Variants in ZNF282 observed in about 807,000 individuals in gnomAD.
ZNF282 encodes the protein HTLV-I U5 repressive element-binding protein 1.
ZNF282 carries 30 observed loss-of-function variants against 61.9 expected under a neutral mutation model. That is an observed-to-expected ratio of 0.48 (90% CI 0.36 to 0.66). The LOEUF (loss-of-function observed/expected upper bound fraction) is 0.66. ZNF282 is among the 30% of genes least tolerant of loss of function. The pLI, the probability that ZNF282 is intolerant of heterozygous loss-of-function variation, is 0.00. For synonymous variants in ZNF282, 396 were observed against 405.0 expected (o/e 0.98, Z 0.27); for missense variants, 788 against 941.4 (o/e 0.84, Z 2.13).
At chr7:149,200,433 T>C (rs539159710) in intron 2 of ZNF282, among the ~76,000 whole-genome samples, 3 of 152,236 alleles carry the variant, frequency 2.0e-5, no homozygotes, top group East Asian at 3.9e-4. Flanking sequence ...GCTGAGTCTT[T>C]TCCTACCTCA....
At chr7:149,217,178 A>T (rs1165795572) in intron 7 of ZNF282, among the ~76,000 whole-genome samples, 1 of 151,948 alleles carries the variant, frequency 6.6e-6, no homozygotes, top group East Asian at 1.9e-4. Flanking sequence ...CATAGTTTAT[A>T]TTTTTTTTAG....
At chr7:149,215,364 G>A (rs1056476615) in intron 7 of ZNF282, among the ~76,000 whole-genome samples, 1 of 151,982 alleles carries the variant, frequency 6.6e-6, no homozygotes, top group African/African-American at 2.4e-5. Context: ...CACCATGCCT[G>A]GCTAATTTTT....
rs1795861903 is a variant in ZNF282, at chr7:149,198,696, A to G, written c.529A>G (p.Asn177Asp). The G allele has an allele frequency of 6.2e-7, 1 of 1,613,940 alleles. No homozygotes were observed. The highest frequency in any genetic ancestry group is 8.5e-7 in the Non-Finnish European group (1 of 1,179,980). ...RLENLENLLR[N>D]RNFWVLRLPP... ...GGAGAACTTGGAGAACTTGCTGCGC[A>G]ACAGGAACTTCTGGGTCCTGCGGCT... The change falls in exon 2 of 8, where the codon AAC (asparagine) becomes GAC (aspartate). Residue 177 changes from asparagine to aspartate, a missense_variant. Physicochemically the swap from Asn to Asp is conservative, Grantham distance 23 (BLOSUM62 1). This residue lies in a region of ZNF282 where 92 missense variants were observed against 163.9 expected (regional missense o/e 0.56). Transcript: ENST00000610704. This position sits in a 1 kb window ranked among gnomAD's most constrained non-coding sequence, Gnocchi z 4.3.
Position 149,224,485 on chromosome 7 carries a change from C to T in ZNF282, c.1854C>T (p.Leu618=), listed in dbSNP as rs554690779. Residue 618 remains leucine, a synonymous_variant, in exon 8 of 8, where the codon CTC becomes CTT. Coordinates refer to ENST00000610704, the MANE Select transcript of ZNF282 (RefSeq NM_003575.4). ...GCTTCATCCGCAAGCAGAACCTGCT[C>T]AAGCACCAGCGCATCCACACGGGCG... ...GKSFIRKQNL[L]KHQRIHTGER... 5.6e-6 allele frequency: 9 copies of T among 1,612,736 alleles called. No homozygotes were observed. In the East Asian group the frequency reaches 2.0e-4, roughly 36 times the overall value.
chr7:149,196,004 C>T (rs1795810306), intron 1 of ZNF282, among the ~76,000 whole-genome samples: 1 of 151,174 alleles, frequency 6.6e-6, no homozygotes, highest in East Asian at 1.9e-4. Context: ...GGCCCAAGTG[C>T]GGAGGCCCCG....
chr7:149,202,091 A>C (rs1015169670), intron 2 of ZNF282, among the ~76,000 whole-genome samples: 1 of 150,652 alleles, frequency 6.6e-6, no homozygotes, highest in African/African-American at 2.4e-5. Context: ...CCCTGCCCTT[A>C]CTCGAATTTT....
chr7:149,225,320 T>G lies in ZNF282; in HGVS notation c.*673T>G, dbSNP rs1030103738. On this transcript the variant is annotated 3_prime_UTR_variant, in exon 8 of 8. Transcript: ENST00000610704. ...CTGCTGGCCTGGCCCTCCTGGTCTC[T>G]CTTCCTTTCCTGGTCTCTCTTCCTT... 2 of 152,754 alleles carry G rather than the reference T, an allele frequency of 1.3e-5. No homozygotes were observed. The highest frequency in any genetic ancestry group is 2.4e-5 in the African/African-American group (1 of 41,448). 9.5% of individuals were successfully genotyped at this position (152,754 alleles called of 1,614,324 possible).
intron 4 of ZNF282, among the ~76,000 whole-genome samples, chr7:149,209,488 G>A (rs946391525): frequency 6.6e-6 from 1 of 152,114 alleles, no homozygotes; most frequent in African/African-American, 2.4e-5. Flanking sequence ...GAAGTTTAAG[G>A]TCAGCAGCGG....
At chr7:149,213,879 C>T (rs1342151595) in intron 7 of ZNF282, 65 bp downstream of exon 7, 26 of 1,202,598 alleles carry the variant, frequency 2.2e-5, no homozygotes, top group South Asian at 1.2e-4. Flanking sequence ...GAGGCGTGGA[C>T]GAAGGCTGGT....
chr7:149,198,082 T>A lies in ZNF282; in HGVS notation c.166-251T>A, dbSNP rs920338656. Among the ~76,000 whole-genome samples, 2 of 152,220 alleles carry A rather than the reference T, an allele frequency of 1.3e-5. No homozygotes were observed. Among genetic ancestry groups the A allele is most frequent in the Non-Finnish European group, 2.9e-5 (2 of 68,030 alleles). On this transcript the variant is annotated intron_variant, in intron 1 of 7. Coordinates refer to ENST00000610704, the MANE Select transcript of ZNF282 (RefSeq NM_003575.4). The surrounding 1 kb of genome is among the most constrained non-coding windows in gnomAD (Gnocchi z 4.3). ...TTTAGGCAGGGGTTGCAGCCTTAAC[T>A]TGCTAAGGGTCAATGTGGGTGAACC...
Position 149,207,476 on chromosome 7 carries a change from G to T in ZNF282, c.832+6G>T. The T allele has an allele frequency of 6.4e-7, 1 of 1,558,912 alleles. No individual in the cohort carries two copies. The highest frequency in any genetic ancestry group is 1.2e-5 in the South Asian group (1 of 84,570). ...CCCAATGGATCCCGAAGCAGGTGAT[G>T]GCAGCAGAAGAGAGTGCGGGGTCCA... On this transcript the variant is annotated splice_donor_region_variant and intron_variant, in intron 4 of 7. Coordinates refer to ENST00000610704, the MANE Select transcript of ZNF282 (RefSeq NM_003575.4).
rs373631632 is a variant in ZNF282, at chr7:149,225,863, C to T, written c.*1216C>T. 6.5e-6 allele frequency: 1 copy of T among 152,788 alleles called. No homozygotes were observed. The highest frequency in any genetic ancestry group is 6.5e-5 in the Admixed American group (1 of 15,294). 9.5% of individuals were successfully genotyped at this position (152,788 alleles called of 1,614,324 possible). On this transcript the variant is annotated 3_prime_UTR_variant, in exon 8 of 8. Coordinates refer to ENST00000610704, the MANE Select transcript of ZNF282 (RefSeq NM_003575.4). ...AGGATTCCCCTTCACGTTGGTGCACCTGCTCCATAGCTCCGGGCGCTGCGT... is the reference window on the plus strand; with the variant it reads ...AGGATTCCCCTTCACGTTGGTGCACTTGCTCCATAGCTCCGGGCGCTGCGT...
rs530338727 is a variant in ZNF282, at chr7:149,224,629, G to T, written c.1998G>T (p.Pro666=). ...CCGGCGCCCCACGGCAGCTCCCGCC[G>T]CCTCCTGAGCGAGACTAGGGCTGGG... ...PGPGAPRQLP[P]PPERD is the part of the protein sequence containing the mutation. The change falls in exon 8 of 8, where the codon CCG becomes CCT. Residue 666 remains proline (P), a synonymous_variant. Transcript: ENST00000610704. 1.3e-3 allele frequency: 2,034 copies of T among 1,529,542 alleles called. 32 individuals carry two copies. In the South Asian group the frequency reaches 0.019, roughly 14 times the overall value. The allele number at this position is 1,529,542 out of a possible 1,614,324, so 94.7% of individuals were successfully genotyped here. A position where few individuals can be genotyped will look rare whatever the true frequency, so the allele number is the denominator to read the frequency against.
chr7:149,210,369 C>T (rs1303819007), intron 4 of ZNF282, among the ~76,000 whole-genome samples: 1 of 152,232 alleles, frequency 6.6e-6, no homozygotes, highest in Non-Finnish European at 1.5e-5. Flanking sequence ...CTGAGACCTT[C>T]TGCTCCTCAG....
At chr7:149,220,333 A>C (rs1428142320) in intron 7 of ZNF282, among the ~76,000 whole-genome samples, 5 of 151,974 alleles carry the variant, frequency 3.3e-5, no homozygotes, top group Non-Finnish European at 5.9e-5. Context: ...AATGGCGTGA[A>C]CCCAGGAGGC....
intron 7 of ZNF282, among the ~76,000 whole-genome samples, chr7:149,220,899 T>C (rs1796235729): frequency 7.0e-6 from 1 of 142,224 alleles, no homozygotes; most frequent in African/African-American, 2.6e-5. Flanking sequence ...TGCCAGGCTG[T>C]GTGGAGGCCC....
At position 149,224,313 on chromosome 7, in the gene ZNF282, T is replaced by C; in HGVS notation, c.1682T>C (p.Leu561Pro). The C allele has an allele frequency of 6.2e-7, 1 of 1,613,586 alleles. No individual in the cohort carries two copies. The highest frequency in any genetic ancestry group is 1.1e-5 in the South Asian group (1 of 91,072). Residue 561 changes from leucine to proline, a missense_variant, in exon 8 of 8, where the codon CTC becomes CCC. Around this residue, in one of 3 missense-constraint regions of ZNF282, gnomAD observed 559 missense variants for 642.0 expected, o/e 0.87. Coordinates refer to ENST00000610704, the MANE Select transcript of ZNF282 (RefSeq NM_003575.4). ...CEKSFNCHSG[L>P]IRHQMTHRGE... The stretch of plus-strand genomic sequence containing the variant: ...AAGAGCTTCAACTGCCACTCGGGCC[T>C]CATCCGCCACCAGATGACGCACCGC...
chr7:149,203,549 G>T (rs148400232), intron 2 of ZNF282, among the ~76,000 whole-genome samples: 2 of 152,282 alleles, frequency 1.3e-5, no homozygotes, highest in East Asian at 3.9e-4. Flanking sequence ...TAGTGACAGG[G>T]TCTTGCTTTG....
At chr7:149,208,878 G>A (rs1373819052) in intron 4 of ZNF282, among the ~76,000 whole-genome samples, 3 of 151,668 alleles carry the variant, frequency 2.0e-5, no homozygotes, top group Admixed American at 6.6e-5. Context: ...AAAATTAGCC[G>A]GGTGCAGTGG....
Sources: gnomAD v4.1 joint callset for allele counts (sites outside exome capture counted in the v4.1 genomes callset) on GRCh38, gnomAD v4.1.1 for gene constraint, gnomAD v4.1.1 regional missense constraint, Gnocchi (gnomAD v3.1) non-coding constraint, MANE v1.5 for transcripts, NCBI Gene and HGNC (gene_info 2026-07-23, HGNC 2026-07-21) for gene names.